CCDC102B: variants seen among roughly 807,000 people sequenced by gnomAD.
The protein encoded by CCDC102B is coiled-coil domain containing 102B, also known as coiled-coil domain-containing protein 102B.
CCDC102B carries 75 observed loss-of-function variants against 57.4 expected under a neutral mutation model. The ratio of observed to expected loss-of-function variants is 1.31; its 90% CI spans 1.08 to 1.58. The LOEUF (loss-of-function observed/expected upper bound fraction) is 1.58. Ranked by LOEUF, CCDC102B falls within the 40% of genes most tolerant of loss-of-function variation. CCDC102B has a pLI of 0.00. For missense variants in CCDC102B, 636 were observed against 582.6 expected, an observed-to-expected ratio of 1.09 and a Z score of -0.94; for synonymous variants, 206 against 201.9, an observed-to-expected ratio of 1.02 and a Z score of -0.17.
At chr18:68,715,293 A>G (rs2031873248) in exon 1 of CCDC102B, 4 of 1,234,698 alleles carry the variant, frequency 3.2e-6, no homozygotes, top group Non-Finnish European at 4.1e-6. Context: ...TACTAGGGAA[A>G]ACGGTGCTGG....
rs181553110 is a variant in CCDC102B at position 68,715,719 on chromosome 18, T to C, written c.-134+358T>C. The C allele has an allele frequency of 9.8e-5, 15 of 152,324 alleles. No homozygotes were observed. The East Asian group carries it at 1.9e-3, about 20-fold the overall frequency. 9.4% of individuals were successfully genotyped at this position (152,324 alleles called of 1,614,324 possible). A position where few individuals can be genotyped will look rare whatever the true frequency, so the allele number is the denominator to read the frequency against. On this transcript the variant is annotated intron_variant, in intron 1 of 3. Coordinates refer to the CCDC102B transcript ENST00000578970. ...CTGATTATTTTGGAACTAGATAAAG[T>C]AGTATGAAATATTTATATTGCTACC...
chr18:68,872,639 C>T (rs918866323), intron 4 of CCDC102B, among the ~76,000 whole-genome samples: 4 of 152,022 alleles, frequency 2.6e-5, no homozygotes, highest in African/African-American at 9.7e-5. Flanking sequence ...CCACCATGAT[C>T]TCTTACTTCA....
chr18:68,956,360 A>ATT (rs1568351914), intron 6 of CCDC102B, among the ~76,000 whole-genome samples: 3,532 of 74,892 alleles, frequency 0.047, 426 homozygotes, highest in African/African-American at 0.17. Context: ...TAATATATAT[A>ATT]ATATATATAT....
chr18:69,029,943 G>A (rs2052094379), intron 7 of CCDC102B, among the ~76,000 whole-genome samples: 1 of 152,158 alleles, frequency 6.6e-6, no homozygotes, highest in Non-Finnish European at 1.5e-5. Context: ...TATCAGCACT[G>A]AGTTTCCTTT....
chr18:68,900,859 A>G (rs2040426077), intron 6 of CCDC102B, among the ~76,000 whole-genome samples: 1 of 152,158 alleles, frequency 6.6e-6, no homozygotes, highest in African/African-American at 2.4e-5. Flanking sequence ...TAAGTGTCAT[A>G]CAACTAGGCA....
intron 2 of CCDC102B, among the ~76,000 whole-genome samples, chr18:68,744,176 T>C (rs73970704): frequency 0.039 from 5,973 of 152,306 alleles, 207 homozygotes; most frequent in African/African-American, 0.087. Context: ...GATCTTCTGA[T>C]ATGCTCTGTT....
intron 1 of CCDC102B, among the ~76,000 whole-genome samples, chr18:68,808,549 C>T (rs958621297): frequency 2.0e-5 from 3 of 148,480 alleles, no homozygotes; most frequent in Admixed American, 6.8e-5. Context: ...GCTATCTCCG[C>T]TCACTGCAAG....
At chr18:68,764,515 G>A (rs541707045) in intron 2 of CCDC102B, among the ~76,000 whole-genome samples, 108 of 152,204 alleles carry the variant, frequency 7.1e-4, no homozygotes, top group African/African-American at 2.5e-3. Flanking sequence ...TTTCACAATA[G>A]CCAATTATTA....
chr18:68,920,237 A>T (rs1986337), intron 6 of CCDC102B, among the ~76,000 whole-genome samples: 2 of 151,890 alleles, frequency 1.3e-5, no homozygotes, highest in Non-Finnish European at 2.9e-5. Flanking sequence ...TTTTCCTGAA[A>T]GCTGGAGGCA....
intron 1 of CCDC102B, among the ~76,000 whole-genome samples, chr18:68,800,220 T>C (rs1202062118): frequency 1.3e-5 from 2 of 152,122 alleles, no homozygotes; most frequent in Non-Finnish European, 2.9e-5. Flanking sequence ...TTTCAAATAA[T>C]GTCTTTCTGG....
chr18:69,004,802 C>A (rs1599834657), intron 6 of CCDC102B, among the ~76,000 whole-genome samples: 1 of 152,034 alleles, frequency 6.6e-6, no homozygotes, highest in South Asian at 2.1e-4. Context: ...GTTATTGGCA[C>A]ACGGTAGACA....
intron 4 of CCDC102B, among the ~76,000 whole-genome samples, chr18:68,864,877 C>G (rs887627953): frequency 6.6e-6 from 1 of 151,868 alleles, no homozygotes; most frequent in East Asian, 1.9e-4. Context: ...CCAAATATTC[C>G]TTGTTCTCTC....
chr18:68,735,988 C>T (rs1207883057), intron 2 of CCDC102B, among the ~76,000 whole-genome samples: 5 of 152,162 alleles, frequency 3.3e-5, no homozygotes, highest in Admixed American at 3.3e-4. Context: ...TTGTGAATCA[C>T]TTTTCTCTTG....
chr18:68,943,117 A>AG (rs2049433345), intron 6 of CCDC102B, among the ~76,000 whole-genome samples: 1 of 144,560 alleles, frequency 6.9e-6, no homozygotes, highest in Non-Finnish European at 1.5e-5. Flanking sequence ...GTAGGGTTAC[A>AG]GATTAACAGT....
intron 2 of CCDC102B, among the ~76,000 whole-genome samples, chr18:68,722,834 A>G (rs962450473): frequency 4.6e-5 from 7 of 151,886 alleles, no homozygotes; most frequent in Non-Finnish European, 7.4e-5. Flanking sequence ...AAAGGTTCTC[A>G]TGAGCCTCCA....
intron 7 of CCDC102B, among the ~76,000 whole-genome samples, chr18:69,035,252 T>C (rs1288015245): frequency 1.3e-5 from 2 of 152,086 alleles, no homozygotes; most frequent in African/African-American, 4.8e-5. Context: ...TTTAAACATT[T>C]TAACAATCGT....
At chr18:68,993,742 C>T (rs1599812004) in intron 6 of CCDC102B, among the ~76,000 whole-genome samples, 1 of 152,108 alleles carries the variant, frequency 6.6e-6, no homozygotes, top group African/African-American at 2.4e-5. Flanking sequence ...TACATATATA[C>T]TCAGTTACAA....
At chr18:68,792,023 A>C (rs1354145785) in intron 2 of CCDC102B, among the ~76,000 whole-genome samples, 4 of 152,168 alleles carry the variant, frequency 2.6e-5, no homozygotes, top group Non-Finnish European at 5.9e-5. Context: ...TCACATAACA[A>C]AGCATTATCT....
rs1461957640 is a variant in CCDC102B, at chr18:68,885,296, C to G, written c.1053+10511C>G. Among the ~76,000 whole-genome samples, 6 of 151,924 alleles carry G rather than the reference C, an allele frequency of 3.9e-5. No individual in the cohort carries two copies. In the East Asian group the frequency reaches 1.2e-3, roughly 29 times the overall value. On this transcript the variant is annotated intron_variant, in intron 5 of 7. Coordinates refer to ENST00000360242, the MANE Select transcript of CCDC102B (RefSeq NM_024781.3). ...TTAACATTAATTTAGCAATTAGTCC[C>G]CCAAATTCAGAGCTCCTTAAAAAAG...
Sources: allele counts gnomAD v4.1 joint callset (sites outside exome capture counted in the v4.1 genomes callset), GRCh38; gene constraint gnomAD v4.1.1; transcripts MANE v1.5; gene names NCBI Gene and HGNC (gene_info 2026-07-23, HGNC 2026-07-21).